Variants in SLCO2A1 observed in about 807,000 individuals in gnomAD.
SLCO2A1 encodes the protein matrin F/G 1.
In SLCO2A1, 60 loss-of-function variants were observed where a neutral mutation model predicts 71.7. That is an observed-to-expected ratio of 0.84 (90% confidence interval 0.68 to 1.04). The LOEUF (loss-of-function observed/expected upper bound fraction) is 1.04. SLCO2A1 is among the 50% of genes least tolerant of loss of function. The probability of loss-of-function intolerance (pLI) is 0.00; values close to 1 mark genes in which losing one functional copy is unlikely to be tolerated. For synonymous variants in SLCO2A1, 308 were observed against 326.7 expected (o/e 0.94, Z 0.62); for missense variants, 745 against 813.4 (o/e 0.92, Z 1.02).
chr3:133,976,073 A>G (rs1272959696), intron 2 of SLCO2A1, among the ~76,000 whole-genome samples: 2 of 152,262 alleles, frequency 1.3e-5, no homozygotes, highest in Non-Finnish European at 2.9e-5. Context: ...TTGTTGAACA[A>G]ATGAATGAAT....
intron 2 of SLCO2A1, among the ~76,000 whole-genome samples, chr3:133,977,939 C>T (rs139263685): frequency 5.6e-4 from 86 of 152,242 alleles, no homozygotes; most frequent in African/African-American, 1.8e-3. Context: ...GACAGAGACA[C>T]AGGCACACAC....
chr3:133,968,114 C>T (rs2108052453), intron 3 of SLCO2A1, among the ~76,000 whole-genome samples: 1 of 145,980 alleles, frequency 6.9e-6, no homozygotes, highest in East Asian at 2.0e-4. Flanking sequence ...CACAACTCCA[C>T]TCACACATCC....
At chr3:133,951,417 T>C in intron 5 of SLCO2A1, 73 bp from the exon 6 acceptor site, 2 of 1,563,112 alleles carry the variant, frequency 1.3e-6, no homozygotes, top group Non-Finnish European at 1.7e-6. Context: ...GAACCTCTGA[T>C]CAGGGGGAGT....
chr3:133,945,932 G>C (rs772765407), intron 9 of SLCO2A1, among the ~76,000 whole-genome samples: 12 of 152,178 alleles, frequency 7.9e-5, no homozygotes, highest in Admixed American at 3.3e-4. Context: ...ATCACAACGA[G>C]TCTACAGTGA....
chr3:133,964,668 G>A (rs1163895623), intron 3 of SLCO2A1, among the ~76,000 whole-genome samples: 1 of 152,218 alleles, frequency 6.6e-6, no homozygotes, highest in East Asian at 1.9e-4. Flanking sequence ...TCTCAAGACT[G>A]GGTTTCCAAG....
intron 1 of SLCO2A1, among the ~76,000 whole-genome samples, chr3:133,994,475 C>A (rs1476965158): frequency 6.6e-6 from 1 of 152,220 alleles, no homozygotes; most frequent in East Asian, 1.9e-4. Context: ...GTTCCCCTTG[C>A]CATTTGTGAT....
chr3:133,991,515 A>G (rs185400219), intron 1 of SLCO2A1, among the ~76,000 whole-genome samples: 1 of 152,384 alleles, frequency 6.6e-6, no homozygotes, highest in East Asian at 1.9e-4. Context: ...AGTTGGTGAT[A>G]TTCCTCATAG....
chr3:133,946,630 T>G (rs989370035), intron 9 of SLCO2A1, among the ~76,000 whole-genome samples: 1 of 152,356 alleles, frequency 6.6e-6, no homozygotes, highest in South Asian at 2.1e-4. Flanking sequence ...TAAACATAGC[T>G]TATTTCCTGG....
intron 9 of SLCO2A1, 72 bp downstream of exon 9, chr3:133,947,184 G>T: frequency 1.5e-6 from 2 of 1,293,224 alleles, no homozygotes; most frequent in Admixed American, 2.2e-5. Flanking sequence ...AAGCAGGAAG[G>T]AAGATGTATA....
At chr3:133,971,882 T>G (rs1934336127) in intron 3 of SLCO2A1, among the ~76,000 whole-genome samples, 1 of 152,190 alleles carries the variant, frequency 6.6e-6, no homozygotes, top group African/African-American at 2.4e-5. Flanking sequence ...TCCTGGGTGC[T>G]GAGTAAATGT....
At chr3:133,972,485 T>C (rs975057761) in intron 3 of SLCO2A1, among the ~76,000 whole-genome samples, 6 of 152,126 alleles carry the variant, frequency 3.9e-5, no homozygotes, top group African/African-American at 1.4e-4. Flanking sequence ...GCAGAAAATT[T>C]TTCAAAATTA....
At position 133,933,618 on chromosome 3, in the gene SLCO2A1, G is replaced by A. The variant is rs1318142603; in HGVS notation, c.*1095C>T. The A allele has an allele frequency of 6.6e-6, 1 of 152,268 alleles. No individual in the cohort carries two copies. Among genetic ancestry groups the A allele is most frequent in the Non-Finnish European group, 1.5e-5 (1 of 68,056 alleles). 9.4% of individuals were successfully genotyped at this position (152,268 alleles called of 1,614,324 possible). On this transcript the variant is annotated 3_prime_UTR_variant, in exon 14 of 14. Coordinates refer to ENST00000310926, the MANE Select transcript of SLCO2A1 (RefSeq NM_005630.3). ...GAGAAAATGGGAATGGTATGAGCAT[G>A]TCTGAAACCAGGAAAGCCAACCTGA...
chr3:133,998,610 C>T (rs1006638509), intron 1 of SLCO2A1: 2 of 152,282 alleles, frequency 1.3e-5, no homozygotes, highest in Non-Finnish European at 2.9e-5. Context: ...GAAGCCCACA[C>T]AAACTGAAGG....
At chr3:133,997,344 G>C (rs905640953) in intron 1 of SLCO2A1, among the ~76,000 whole-genome samples, 1 of 152,194 alleles carries the variant, frequency 6.6e-6, no homozygotes, top group Admixed American at 6.5e-5. Flanking sequence ...AAGATATGTG[G>C]TGGGTTTAAC....
At chr3:133,948,849 C>T in intron 7 of SLCO2A1, 44 bp downstream of exon 7, 3 of 1,601,628 alleles carry the variant, frequency 1.9e-6, no homozygotes, top group Non-Finnish European at 2.6e-6. Context: ...ACTATCCCCT[C>T]CCCCGCACTG....
At chr3:133,988,388 A>C (rs1440545565) in intron 1 of SLCO2A1, among the ~76,000 whole-genome samples, 2 of 152,174 alleles carry the variant, frequency 1.3e-5, no homozygotes, top group Admixed American at 6.5e-5. Context: ...AAAATTTTTG[A>C]ACCTAAACTA....
intron 11 of SLCO2A1, among the ~76,000 whole-genome samples, chr3:133,940,157 A>G (rs1422063053): frequency 6.6e-6 from 1 of 151,902 alleles, no homozygotes; most frequent in Non-Finnish European, 1.5e-5. Context: ...TAGTAGAGAC[A>G]AGGTTTCGCC....
intron 10 of SLCO2A1, among the ~76,000 whole-genome samples, chr3:133,944,277 CTG>C (rs535445458): frequency 5.1e-4 from 78 of 152,288 alleles, no homozygotes; most frequent in African/African-American, 1.8e-3. Flanking sequence ...TAGAATTATC[CTG>C]TGTGTTGATT....
chr3:134,006,982 C>G (rs1424961664), intron 1 of SLCO2A1, among the ~76,000 whole-genome samples: 7 of 152,192 alleles, frequency 4.6e-5, no homozygotes, highest in Non-Finnish European at 4.4e-5. Context: ...CTCAAAAACA[C>G]TTGTTATATT....
Sources: allele counts gnomAD v4.1 joint callset (sites outside exome capture counted in the v4.1 genomes callset), GRCh38; gene constraint gnomAD v4.1.1; transcripts MANE v1.5; gene names NCBI Gene and HGNC (gene_info 2026-07-23, HGNC 2026-07-21).